HS6ST1: variants seen among roughly 807,000 people sequenced by gnomAD.
HS6ST1 encodes heparan sulfate 6-O-sulfotransferase 1.
HS6ST1 carries 3 observed loss-of-function variants against 25.2 expected under a neutral mutation model. The ratio of observed to expected loss-of-function variants is 0.12; its 90% confidence interval spans 0.05 to 0.31. The LOEUF (loss-of-function observed/expected upper bound fraction) is 0.31, where lower values mean the gene tolerates loss of function less well. Ranked by LOEUF, HS6ST1 falls within the 10% of genes least tolerant of loss-of-function variation. The probability of loss-of-function intolerance (pLI) is 1.00; values close to 1 mark genes in which losing one functional copy is unlikely to be tolerated. For synonymous variants in HS6ST1, 204 were observed against 275.1 expected (o/e 0.74, Z 2.56); for missense variants, 310 against 609.6 (o/e 0.51, Z 5.18).
chr2:128,297,357 T>A (rs1694055949), intron 1 of HS6ST1, among the ~76,000 whole-genome samples: 1 of 152,162 alleles, frequency 6.6e-6, no homozygotes, highest in Admixed American at 6.5e-5. Context: ...TTATCTAACA[T>A]TATACATAGA....
At position 128,268,033 on chromosome 2, in the gene HS6ST1, TCAGGACGCAG is replaced by T; in HGVS notation, c.*119_*128del. 2 of 706,302 alleles carry T rather than the reference TCAGGACGCAG, an allele frequency of 2.8e-6. No individual in the cohort carries two copies. Among genetic ancestry groups the T allele is most frequent in the South Asian group, 3.4e-5 (2 of 58,232 alleles). 43.8% of individuals were successfully genotyped at this position (706,302 alleles called of 1,614,324 possible). On this transcript the variant is annotated 3_prime_UTR_variant, in exon 2 of 2. Transcript: ENST00000259241. ...CACTACATCCCTGCTCTGTTTTTTTTCAGGACGCAGCTACCTCTGTGGAGCAGGTTTGGGA... is the reference window on the plus strand; with the variant it reads ...CACTACATCCCTGCTCTGTTTTTTTTCTACCTCTGTGGAGCAGGTTTGGGA...
intron 1 of HS6ST1, among the ~76,000 whole-genome samples, chr2:128,295,144 T>C (rs1031849535): frequency 6.6e-6 from 1 of 152,226 alleles, no homozygotes; most frequent in African/African-American, 2.4e-5. Flanking sequence ...GAAGGGCTAC[T>C]GTGAACACCG....
At chr2:128,291,260 C>T (rs1693947855) in intron 1 of HS6ST1, among the ~76,000 whole-genome samples, 2 of 152,390 alleles carry the variant, frequency 1.3e-5, no homozygotes, top group South Asian at 2.1e-4. Context: ...GGGCTTCACA[C>T]ACCCTCTCAG....
intron 1 of HS6ST1, among the ~76,000 whole-genome samples, chr2:128,283,656 C>T (rs142330650): frequency 1.1e-3 from 169 of 152,276 alleles, no homozygotes; most frequent in African/African-American, 3.9e-3. Flanking sequence ...TCTGCAGCCT[C>T]GGCCTCCCCC....
chr2:128,311,574 G>A (rs1179893867), intron 1 of HS6ST1, among the ~76,000 whole-genome samples: 1 of 152,234 alleles, frequency 6.6e-6, no homozygotes, highest in Non-Finnish European at 1.5e-5. Context: ...GATGCTTGAG[G>A]TCTGACCTAG....
chr2:128,307,412 A>T (rs1694229286), intron 1 of HS6ST1, among the ~76,000 whole-genome samples: 1 of 152,228 alleles, frequency 6.6e-6, no homozygotes, highest in African/African-American at 2.4e-5. Context: ...CTCAGCTGGA[A>T]GATGGGATGT....
intron 1 of HS6ST1, among the ~76,000 whole-genome samples, chr2:128,296,673 T>C (rs931971390): frequency 6.6e-6 from 1 of 152,196 alleles, no homozygotes. Context: ...AGTGAAATAC[T>C]TGTAAACTAA....
chr2:128,287,862 C>T (rs754083703), intron 1 of HS6ST1, among the ~76,000 whole-genome samples: 18 of 152,258 alleles, frequency 1.2e-4, no homozygotes, highest in Non-Finnish European at 1.8e-4. Context: ...AGGGCTCCAG[C>T]AAGGCCATGA....
rs1167119373 is a variant in HS6ST1, at chr2:128,266,056, T to C, written c.*2106A>G. ...GACAAGACCCGTGCTTCCGTGTGAG[T>C]TGGGATGCGGGGCATAAGTTAACAC... On this transcript the variant is annotated 3_prime_UTR_variant, in exon 2 of 2. Coordinates refer to ENST00000259241, the MANE Select transcript of HS6ST1 (RefSeq NM_004807.3). The C allele has an allele frequency of 1.3e-5, 2 of 151,212 alleles. No individual in the cohort carries two copies. Among genetic ancestry groups the C allele is most frequent in the South Asian group, 2.1e-4 (1 of 4,736 alleles). 9.4% of individuals were successfully genotyped at this position (151,212 alleles called of 1,614,324 possible).
chr2:128,308,227 A>G (rs1694239980), intron 1 of HS6ST1, among the ~76,000 whole-genome samples: 1 of 152,164 alleles, frequency 6.6e-6, no homozygotes, highest in African/African-American at 2.4e-5. Flanking sequence ...AGCACAGTGC[A>G]TGGGGTCTTC....
intron 1 of HS6ST1, among the ~76,000 whole-genome samples, chr2:128,269,614 G>A (rs1693580192): frequency 1.3e-5 from 2 of 152,254 alleles, no homozygotes; most frequent in Non-Finnish European, 2.9e-5. Flanking sequence ...AAAACGTGGT[G>A]GCGGCTGTGG....
intron 1 of HS6ST1, among the ~76,000 whole-genome samples, chr2:128,304,759 G>A (rs1489817078): frequency 1.3e-5 from 2 of 152,348 alleles, no homozygotes; most frequent in African/African-American, 2.4e-5. Flanking sequence ...CAGCAGTGTC[G>A]CACAGCAGTG....
intron 1 of HS6ST1, among the ~76,000 whole-genome samples, chr2:128,295,698 A>AT (rs1297001090): frequency 6.6e-6 from 1 of 152,230 alleles, no homozygotes; most frequent in African/African-American, 2.4e-5. Context: ...TATCCCTAGA[A>AT]TGAAAGGATG....
chr2:128,290,535 A>G (rs1016588947), intron 1 of HS6ST1, among the ~76,000 whole-genome samples: 4 of 152,210 alleles, frequency 2.6e-5, no homozygotes, highest in African/African-American at 9.6e-5. Flanking sequence ...TAGTAACCCC[A>G]GGTATGCAAG....
At chr2:128,307,000 A>G (rs1485664741) in intron 1 of HS6ST1, among the ~76,000 whole-genome samples, 1 of 150,376 alleles carries the variant, frequency 6.6e-6, no homozygotes, top group African/African-American at 2.5e-5. Flanking sequence ...CCTCTGGGAA[A>G]CGCCCACCCA....
At chr2:128,301,161 C>G (rs1248947204) in intron 1 of HS6ST1, among the ~76,000 whole-genome samples, 3 of 152,038 alleles carry the variant, frequency 2.0e-5, no homozygotes, top group Non-Finnish European at 4.4e-5. Flanking sequence ...CTGTGTGGGA[C>G]TGGGGTCGCC....
At chr2:128,274,562 GAACA>G (rs55681109) in intron 1 of HS6ST1, among the ~76,000 whole-genome samples, 24,730 of 151,646 alleles carry the variant, frequency 0.16, 3,209 homozygotes, top group East Asian at 0.61. Context: ...AGAAAAAACA[GAACA>G]AACAAACAAA....
intron 1 of HS6ST1, among the ~76,000 whole-genome samples, chr2:128,273,334 G>C (rs1172524207): frequency 6.6e-6 from 1 of 152,200 alleles, no homozygotes; most frequent in African/African-American, 2.4e-5. Flanking sequence ...CACGGCCTGT[G>C]GTATAGACAA....
At chr2:128,271,872 C>G (rs370365983) in intron 1 of HS6ST1, among the ~76,000 whole-genome samples, 1 of 152,204 alleles carries the variant, frequency 6.6e-6, no homozygotes, top group Non-Finnish European at 1.5e-5. Context: ...CAGCCAAGCT[C>G]GAGCGGCTGC....
Sources: allele counts gnomAD v4.1 joint callset (sites outside exome capture counted in the v4.1 genomes callset), GRCh38; gene constraint gnomAD v4.1.1; transcripts MANE v1.5; gene names NCBI Gene and HGNC (gene_info 2026-07-23, HGNC 2026-07-21).